The following ALPK3 variants were observed in gnomAD, a reference collection of about 807,000 sequenced individuals.
ALPK3 encodes the protein alpha-protein kinase 3.
Under a neutral mutation model 140.0 loss-of-function variants are expected in ALPK3, and 102 were observed. The observed-to-expected ratio is 0.73, with a 90% CI of 0.62 to 0.86. ALPK3 has a LOEUF of 0.86. Ranked by LOEUF, ALPK3 falls within the 40% of genes least tolerant of loss-of-function variation. The probability of loss-of-function intolerance (pLI) is 0.00; values close to 1 mark genes in which losing one functional copy is unlikely to be tolerated. For synonymous variants in ALPK3, 938 were observed against 898.5 expected, an observed-to-expected ratio of 1.04 and a Z score of -0.79; for missense variants, 2,254 against 2,208.2, an observed-to-expected ratio of 1.02 and a Z score of -0.42.
intron 10 of ALPK3, 156 bp from the exon 11 acceptor site, chr15:84,863,396 G>T: frequency 1.6e-6 from 1 of 622,920 alleles, no homozygotes; most frequent in South Asian, 2.0e-5. Context: ...ATGAGATGCA[G>T]AGTGGGGAGC....
chr15:84,869,524 C>T lies in ALPK3; in HGVS notation c.*1068C>T, dbSNP rs1468605969. On this transcript the variant is annotated 3_prime_UTR_variant, in exon 14 of 14. Coordinates refer to ENST00000258888, the MANE Select transcript of ALPK3 (RefSeq NM_020778.5). The stretch of plus-strand genomic sequence containing the variant: ...TGTTCTAGGAGGGATGCAGTCTATC[C>T]ATGCACTTGGGTGGAGGGGAGTCTC... The T allele has an allele frequency of 6.6e-6, 1 of 152,204 alleles. No individual in the cohort carries two copies. Among genetic ancestry groups the T allele is most frequent in the Non-Finnish European group, 1.5e-5 (1 of 68,062 alleles). 9.4% of individuals were successfully genotyped at this position (152,204 alleles called of 1,614,324 possible).
At chr15:84,863,723 A>G in intron 11 of ALPK3, 83 bp downstream of exon 11, 8 of 1,369,848 alleles carry the variant, frequency 5.8e-6, no homozygotes, top group Non-Finnish European at 8.0e-6. Flanking sequence ...ACAGCCTCCC[A>G]GGGGCATCCT....
At chr15:84,820,430 G>A (rs1963408830) in intron 1 of ALPK3, among the ~76,000 whole-genome samples, 1 of 152,090 alleles carries the variant, frequency 6.6e-6, no homozygotes, top group Admixed American at 6.6e-5. Flanking sequence ...AGCTTTCGTG[G>A]TCAGTTCTAG....
intron 5 of ALPK3, among the ~76,000 whole-genome samples, chr15:84,845,636 A>G (rs1236339550): frequency 6.6e-6 from 1 of 152,198 alleles, no homozygotes; most frequent in Non-Finnish European, 1.5e-5. Flanking sequence ...TCTGATTCTG[A>G]AGAGCATATA....
intron 5 of ALPK3, among the ~76,000 whole-genome samples, chr15:84,843,767 A>G (rs993563239): frequency 3.9e-5 from 6 of 152,238 alleles, no homozygotes; most frequent in African/African-American, 1.4e-4. Flanking sequence ...AATATTCAGC[A>G]TGAAATGAAG....
At chr15:84,865,103 T>C (rs1321528138) in intron 12 of ALPK3, among the ~76,000 whole-genome samples, 1 of 150,992 alleles carries the variant, frequency 6.6e-6, no homozygotes, top group African/African-American at 2.5e-5. Flanking sequence ...CTCCTCCATC[T>C]TTGTTAGCTT....
chr15:84,833,139 A>G (rs1963561748), intron 3 of ALPK3, among the ~76,000 whole-genome samples: 1 of 152,172 alleles, frequency 6.6e-6, no homozygotes, highest in Non-Finnish European at 1.5e-5. Flanking sequence ...CCTACTGTGT[A>G]TATCATAGCA....
intron 1 of ALPK3, among the ~76,000 whole-genome samples, chr15:84,822,581 A>G (rs1429312974): frequency 1.3e-5 from 2 of 152,104 alleles, no homozygotes; most frequent in Non-Finnish European, 2.9e-5. Flanking sequence ...TTGTATCAGG[A>G]AAGGAGGAGG....
rs578165788 is a variant in ALPK3, at chr15:84,834,369, C to T, written c.305-4611C>T. On this transcript the variant is annotated intron_variant, in intron 3 of 13. Coordinates refer to ENST00000258888, the MANE Select transcript of ALPK3 (RefSeq NM_020778.5). ...TACTTGCTAGCTAGATAACTTTGGA[C>T]AAGAGCTTTAATTTCATGAGCTGGG... Among the ~76,000 whole-genome samples, 23 of 152,276 alleles carry T rather than the reference C, an allele frequency of 1.5e-4. 1 individual carries two copies. The South Asian group carries it at 2.5e-3, about 16-fold the overall frequency.
At position 84,840,203 on chromosome 15, in the gene ALPK3, C is replaced by G; in HGVS notation, c.924C>G (p.Leu308=). The G allele has an allele frequency of 6.2e-7, 1 of 1,613,614 alleles. No individual in the cohort carries two copies. The highest frequency in any genetic ancestry group is 8.5e-7 in the Non-Finnish European group (1 of 1,179,946). The change falls in exon 5 of 14, where the codon CTC becomes CTG. Residue 308 remains leucine, a synonymous_variant. Transcript: ENST00000258888. ...TGGAGCTGGGGCCTCAGAGAGCCCT[C>G]AAAGAGGAGAGTGGGGCCAAGAAGA... is the stretch of plus-strand genomic sequence containing the variant. ...DAMELGPQRA[L]KEESGAKKKK...
chr15:84,851,820 A>G (rs1324986426), intron 5 of ALPK3, among the ~76,000 whole-genome samples: 1 of 152,220 alleles, frequency 6.6e-6, no homozygotes, highest in East Asian at 1.9e-4. Flanking sequence ...TGCAGTATAT[A>G]TCCTTGTATA....
intron 2 of ALPK3, among the ~76,000 whole-genome samples, chr15:84,825,874 C>T (rs1963480506): frequency 6.6e-6 from 1 of 152,112 alleles, no homozygotes; most frequent in South Asian, 2.1e-4. Flanking sequence ...CCCTGAGGAC[C>T]CTCTATTTCT....
intron 12 of ALPK3, among the ~76,000 whole-genome samples, 194 bp downstream of exon 12, chr15:84,864,859 A>G (rs568040129): frequency 6.6e-6 from 1 of 152,358 alleles, no homozygotes; most frequent in South Asian, 2.1e-4. Flanking sequence ...TACCTCATGT[A>G]GCCCAGTCTA....
Position 84,857,282 on chromosome 15 carries a change from G to T in ALPK3, c.2544G>T (p.Pro848=), listed in dbSNP as rs558397946. The change falls in exon 6 of 14, where the codon CCG becomes CCT. Residue 848 remains proline (P), a synonymous_variant. Transcript: ENST00000258888. ...CPKEERPGGV[P]CMDQGGCPLA... is the part of the protein sequence containing the mutation. Reference sequence around the variant, plus strand: ...AGGAGGAGCGGCCAGGGGGAGTGCCGTGTATGGATCAGGGTGGCTGTCCTC... The same window carrying T: ...AGGAGGAGCGGCCAGGGGGAGTGCCTTGTATGGATCAGGGTGGCTGTCCTC... 1.2e-6 allele frequency: 2 copies of T among 1,614,016 alleles called. No homozygotes were observed. The highest frequency in any genetic ancestry group is 1.1e-5 in the South Asian group (1 of 91,072).
rs917387663 is a variant in ALPK3, at chr15:84,870,968, C to T, written c.*2512C>T. ...GGGAATTCAAGATCATATCTAACTT[C>T]GAATTCCAGGGGTAATGACACGGCT... On this transcript the variant is annotated 3_prime_UTR_variant, in exon 14 of 14. Coordinates refer to ENST00000258888, the MANE Select transcript of ALPK3 (RefSeq NM_020778.5). 1.3e-5 allele frequency: 2 copies of T among 152,406 alleles called. No individual in the cohort carries two copies. The highest frequency in any genetic ancestry group is 2.9e-5 in the Non-Finnish European group (2 of 68,044). The allele number at this position is 152,406 out of a possible 1,614,324, so 9.4% of individuals were successfully genotyped here.
Position 84,840,612 on chromosome 15 carries a change from A to G in ALPK3, c.1333A>G (p.Ser445Gly). ...CCTGAGTGTCCGGGCGCCTGGGGAGAGTCCCAAGGGGAAGGCACCCCTCAG... is the reference window on the plus strand; with the variant it reads ...CCTGAGTGTCCGGGCGCCTGGGGAGGGTCCCAAGGGGAAGGCACCCCTCAG... Reference protein sequence around the residue: ...QTLSVRAPGESPKGKAPLRAR... With the variant: ...QTLSVRAPGEGPKGKAPLRAR... The change falls in exon 5 of 14, where the codon AGT (serine) becomes GGT (glycine). Residue 445 changes from serine (S) to glycine (G), a missense_variant. Physicochemically the swap from Ser to Gly is moderately conservative, Grantham distance 56. Transcript: ENST00000258888. 1.3e-6 allele frequency: 2 copies of G among 1,556,560 alleles called. No individual in the cohort carries two copies. The highest frequency in any genetic ancestry group is 1.7e-6 in the Non-Finnish European group (2 of 1,154,686).
chr15:84,842,034 GTTTA>G lies in ALPK3; in HGVS notation c.1653+1106_1653+1109del, dbSNP rs533680696. Reference sequence around the variant, plus strand: ...CGGTATTTCTTTCTTTCTTTGGTTTGTTTATTTGTTTGTTTGTTTTTTGAGATGG... The same window carrying G: ...CGGTATTTCTTTCTTTCTTTGGTTTGTTTGTTTGTTTGTTTTTTGAGATGG... On this transcript the variant is annotated intron_variant, in intron 5 of 13. Transcript: ENST00000258888. Among the ~76,000 whole-genome samples, 777 of 152,236 alleles carry G rather than the reference GTTTA, an allele frequency of 5.1e-3. 9 individuals are homozygous for G. Among genetic ancestry groups the G allele is most frequent in the Non-Finnish European group, 8.6e-3 (584 of 68,010 alleles).
chr15:84,859,850 C>T lies in ALPK3; in HGVS notation c.4040C>T (p.Thr1347Ile), dbSNP rs772261260. ...GTAGACTGCGGTGTGTATCGGTGCA[C>T]CATCCACAATGAGCACGGCTCGGCC... is the stretch of plus-strand genomic sequence containing the variant. ...SPVDCGVYRC[T>I]IHNEHGSAST... Residue 1347 changes from threonine (T) to isoleucine (I), a missense_variant, in exon 8 of 14, where the codon ACC becomes ATC. Transcript: ENST00000258888. 7.4e-5 allele frequency: 120 copies of T among 1,613,998 alleles called. No homozygotes were observed. The highest frequency in any genetic ancestry group is 2.2e-4 in the Admixed American group (13 of 60,014).
rs1964098460 is a variant in ALPK3, at chr15:84,873,389, A to G, written c.*4933A>G. The G allele has an allele frequency of 6.6e-6, 1 of 152,220 alleles. No individual in the cohort carries two copies. The highest frequency in any genetic ancestry group is 1.5e-5 in the Non-Finnish European group (1 of 68,040). The allele number at this position is 152,220 out of a possible 1,614,324, so 9.4% of individuals were successfully genotyped here. On this transcript the variant is annotated 3_prime_UTR_variant, in exon 14 of 14. Coordinates refer to ENST00000258888, the MANE Select transcript of ALPK3 (RefSeq NM_020778.5). ...TGTATTAGCCAAGCCCTCCTAAAAT[A>G]GTAATAACAGTATCTGGCGATTTGA...
Sources: gnomAD v4.1 joint callset for allele counts (sites outside exome capture counted in the v4.1 genomes callset) on GRCh38, gnomAD v4.1.1 for gene constraint, MANE v1.5 for transcripts, NCBI Gene and HGNC (gene_info 2026-07-23, HGNC 2026-07-21) for gene names.